The following TRAPPC9 variants were observed in gnomAD, a reference collection of about 807,000 sequenced individuals.
TRAPPC9 encodes the protein trafficking protein particle complex subunit 9.
TRAPPC9 carries 83 observed loss-of-function variants against 124.0 expected under a neutral mutation model. That is an observed-to-expected ratio of 0.67 (90% CI 0.56 to 0.80). The LOEUF is 0.80. Among genes scored for constraint, TRAPPC9 ranks in the 30% least tolerant of loss-of-function variants. The probability of loss-of-function intolerance (pLI) is 0.00; values close to 1 mark genes in which losing one functional copy is unlikely to be tolerated. For missense variants in TRAPPC9, 1,302 were observed against 1,508.3 expected (o/e 0.86, Z 2.27); for synonymous variants, 638 against 617.5 (o/e 1.03, Z -0.49).
chr8:139,943,561 C>T (rs996761562), intron 19 of TRAPPC9, among the ~76,000 whole-genome samples: 1 of 152,154 alleles, frequency 6.6e-6, no homozygotes, highest in Non-Finnish European at 1.5e-5. Flanking sequence ...AGAAAAGACA[C>T]TCAATAAATT....
chr8:139,921,885 C>A (rs561860408), intron 19 of TRAPPC9, among the ~76,000 whole-genome samples: 1 of 150,852 alleles, frequency 6.6e-6, no homozygotes, highest in South Asian at 2.1e-4. Flanking sequence ...TGCACACCTG[C>A]CCCCCACTGC....
At chr8:139,785,568 A>G (rs1190488687) in intron 21 of TRAPPC9, among the ~76,000 whole-genome samples, 1 of 148,046 alleles carries the variant, frequency 6.8e-6, no homozygotes, top group Non-Finnish European at 1.5e-5. Context: ...ACACACACAC[A>G]CACACACACA....
chr8:140,157,578 C>T (rs35391756), intron 17 of TRAPPC9, among the ~76,000 whole-genome samples: 24,991 of 152,080 alleles, frequency 0.16, 2,499 homozygotes, highest in Admixed American at 0.24. Flanking sequence ...CAATCTGGGG[C>T]TAAGAATGCA....
At chr8:140,282,800 G>T (rs1262714021) in intron 14 of TRAPPC9, among the ~76,000 whole-genome samples, 1 of 152,112 alleles carries the variant, frequency 6.6e-6, no homozygotes, top group Non-Finnish European at 1.5e-5. Context: ...TTTTAAATAG[G>T]ATGGATAAAA....
At chr8:139,989,457 T>TC (rs1837484965) in intron 18 of TRAPPC9, among the ~76,000 whole-genome samples, 3 of 152,216 alleles carry the variant, frequency 2.0e-5, no homozygotes, top group Admixed American at 2.0e-4. Flanking sequence ...ATGCTCAAGT[T>TC]CCCATTGTTC....
intron 9 of TRAPPC9, among the ~76,000 whole-genome samples, chr8:140,312,360 A>T (rs2066319993): frequency 6.6e-6 from 1 of 152,200 alleles, no homozygotes; most frequent in Admixed American, 6.5e-5. Flanking sequence ...ATCCGACTCC[A>T]GGAGATGCCT....
chr8:140,186,546 C>T (rs923804206), intron 17 of TRAPPC9, among the ~76,000 whole-genome samples: 7 of 151,336 alleles, frequency 4.6e-5, no homozygotes, highest in East Asian at 1.9e-4. Context: ...CCAGCCTAGG[C>T]GACAGAGCGA....
At position 140,407,478 on chromosome 8, in the gene TRAPPC9, CTCT is replaced by C. The variant is rs1387162988; in HGVS notation, c.887-1783_887-1781del. The stretch of plus-strand genomic sequence containing the variant: ...TTTCATTCTTCACATGGTATCTCAT[CTCT>C]TCTCTGAGGAGTAAATGATCAAAGC... On this transcript the variant is annotated intron_variant, in intron 5 of 22. Transcript: ENST00000438773. 2.0e-5 allele frequency among the ~76,000 whole-genome samples: 3 copies of C among 151,876 alleles called. No homozygotes were observed. The East Asian group carries it at 5.8e-4, about 29-fold the overall frequency.
intron 17 of TRAPPC9, among the ~76,000 whole-genome samples, chr8:140,132,120 A>G (rs950912264): frequency 6.6e-6 from 1 of 152,124 alleles, no homozygotes; most frequent in African/African-American, 2.4e-5. Flanking sequence ...GCCATCCCCA[A>G]TCAAGACCCT....
chr8:139,804,725 AAG>A (rs1491546531), intron 21 of TRAPPC9, among the ~76,000 whole-genome samples: 2 of 118,386 alleles, frequency 1.7e-5, no homozygotes, highest in Non-Finnish European at 3.4e-5. Flanking sequence ...CACCGGCACC[AAG>A]CACCACCACC....
At chr8:139,751,604 C>T (rs1819311518) in intron 21 of TRAPPC9, among the ~76,000 whole-genome samples, 1 of 152,126 alleles carries the variant, frequency 6.6e-6, no homozygotes, top group Non-Finnish European at 1.5e-5. Flanking sequence ...TCTGGACTCC[C>T]ATGCCCCAAC....
chr8:140,430,703 AT>A (rs2070608832), intron 4 of TRAPPC9, among the ~76,000 whole-genome samples: 1 of 152,138 alleles, frequency 6.6e-6, no homozygotes, highest in Non-Finnish European at 1.5e-5. Flanking sequence ...CAGTGGCAGA[AT>A]CTCAGCTCAC....
At chr8:139,862,800 C>A (rs1298976303) in intron 21 of TRAPPC9, among the ~76,000 whole-genome samples, 5 of 152,210 alleles carry the variant, frequency 3.3e-5, no homozygotes, top group Admixed American at 3.3e-4. Context: ...GGTCACAGCG[C>A]CCTGGTCCGG....
chr8:139,885,820 G>T (rs567220627), intron 21 of TRAPPC9, 59 bp downstream of exon 21: 163 of 1,497,430 alleles, frequency 1.1e-4, no homozygotes, highest in Non-Finnish European at 1.4e-4. Context: ...CCTTGCTCGT[G>T]CATTTGGAGA....
chr8:140,090,509 G>A (rs1265882267), intron 17 of TRAPPC9, among the ~76,000 whole-genome samples: 1 of 152,194 alleles, frequency 6.6e-6, no homozygotes, highest in East Asian at 1.9e-4. Flanking sequence ...AGCTCCACTG[G>A]CGTATTACCA....
At chr8:140,358,710 G>T (rs181797173) in intron 9 of TRAPPC9, among the ~76,000 whole-genome samples, 42 of 152,294 alleles carry the variant, frequency 2.8e-4, no homozygotes, top group Admixed American at 1.4e-3. Flanking sequence ...CTGAGGGAGT[G>T]GGGTCGCCAC....
chr8:140,045,443 T>C (rs996560690), intron 17 of TRAPPC9, among the ~76,000 whole-genome samples: 1 of 151,934 alleles, frequency 6.6e-6, no homozygotes, highest in South Asian at 2.1e-4. Context: ...CTGGCCAACA[T>C]GGTGTAAACC....
intron 9 of TRAPPC9, among the ~76,000 whole-genome samples, chr8:140,347,269 TC>T (rs1346820214): frequency 7.9e-5 from 12 of 152,136 alleles, no homozygotes; most frequent in African/African-American, 2.9e-4. Context: ...CGCCTTCCCT[TC>T]CCAGCCACCT....
intron 9 of TRAPPC9, among the ~76,000 whole-genome samples, chr8:140,319,074 A>G (rs2066518681): frequency 6.6e-6 from 1 of 152,166 alleles, no homozygotes; most frequent in Non-Finnish European, 1.5e-5. Flanking sequence ...AACTTATGTC[A>G]CTAAAAATCA....
Sources: gnomAD v4.1 joint callset for allele counts (sites outside exome capture counted in the v4.1 genomes callset) on GRCh38, gnomAD v4.1.1 for gene constraint, MANE v1.5 for transcripts, NCBI Gene and HGNC (gene_info 2026-07-23, HGNC 2026-07-21) for gene names.